ME3: variants seen among roughly 807,000 people sequenced by gnomAD.
ME3 encodes the protein malic enzyme 3.
ME3 carries 48 observed loss-of-function variants against 68.9 expected under a neutral mutation model. The observed-to-expected ratio is 0.70, with a 90% CI of 0.55 to 0.89. The LOEUF is 0.89. ME3 is among the 40% of genes least tolerant of loss of function. ME3 has a pLI of 0.00. For missense variants in ME3, 675 were observed against 797.4 expected (o/e 0.85, Z 1.85); for synonymous variants, 320 against 318.8 (o/e 1.00, Z -0.04).
chr11:86,659,341 G>A (rs903391322), intron 2 of ME3, among the ~76,000 whole-genome samples: 3 of 152,190 alleles, frequency 2.0e-5, no homozygotes, highest in Non-Finnish European at 4.4e-5. Context: ...AAGATGGCAG[G>A]CAAAGAGCTA....
intron 4 of ME3, among the ~76,000 whole-genome samples, chr11:86,510,862 TC>T (rs1953467909): frequency 6.6e-6 from 1 of 152,212 alleles, no homozygotes. Context: ...ACCAAATTTA[TC>T]ATCTAATCTT....
intron 4 of ME3, among the ~76,000 whole-genome samples, chr11:86,531,193 T>C (rs1955201793): frequency 6.6e-6 from 1 of 152,150 alleles, no homozygotes; most frequent in East Asian, 1.9e-4. Context: ...GTGAAGGATA[T>C]GAACAGACAC....
intron 2 of ME3, among the ~76,000 whole-genome samples, chr11:86,632,266 G>A (rs925829929): frequency 6.6e-6 from 1 of 152,160 alleles, no homozygotes; most frequent in Admixed American, 6.5e-5. Context: ...AGCTTCACAG[G>A]GGCCTCACAG....
chr11:86,617,240 G>A (rs1299167384), intron 2 of ME3, among the ~76,000 whole-genome samples: 1 of 151,420 alleles, frequency 6.6e-6, no homozygotes, highest in Non-Finnish European at 1.5e-5. Context: ...TGTAGGTTTT[G>A]AAAATAATAA....
chr11:86,449,821 C>G, intron 10 of ME3, 68 bp downstream of exon 10: 3 of 1,185,538 alleles, frequency 2.5e-6, no homozygotes, highest in Non-Finnish European at 3.7e-6. Flanking sequence ...TCTTGGAGAC[C>G]TCTTCCAGTC....
intron 11 of ME3, among the ~76,000 whole-genome samples, chr11:86,447,482 T>G (rs766177855): frequency 2.0e-5 from 3 of 151,872 alleles, no homozygotes; most frequent in Non-Finnish European, 4.4e-5. Flanking sequence ...CCATGGAGAG[T>G]GAGCTGCTCC....
chr11:86,530,548 C>A (rs1411750773), intron 4 of ME3, among the ~76,000 whole-genome samples: 1 of 152,164 alleles, frequency 6.6e-6, no homozygotes. Flanking sequence ...CAAGACAATC[C>A]TAAGCCAAAA....
chr11:86,618,559 G>C (rs1203401278), intron 2 of ME3, among the ~76,000 whole-genome samples: 1 of 152,060 alleles, frequency 6.6e-6, no homozygotes, highest in African/African-American at 2.4e-5. Flanking sequence ...AATTGTTTCT[G>C]ATATAATTTG....
At chr11:86,514,567 T>C (rs1445873597) in intron 4 of ME3, among the ~76,000 whole-genome samples, 2 of 152,196 alleles carry the variant, frequency 1.3e-5, no homozygotes, top group Non-Finnish European at 2.9e-5. Flanking sequence ...ACAGAAATGT[T>C]AGAGAGAATG....
intron 2 of ME3, among the ~76,000 whole-genome samples, chr11:86,627,040 A>G (rs1943709326): frequency 6.6e-6 from 1 of 152,180 alleles, no homozygotes; most frequent in African/African-American, 2.4e-5. Context: ...CAAAAGAGGA[A>G]AGTAGGTGTA....
At chr11:86,574,710 G>A (rs1417623285) in intron 2 of ME3, among the ~76,000 whole-genome samples, 1 of 152,190 alleles carries the variant, frequency 6.6e-6, no homozygotes, top group Non-Finnish European at 1.5e-5. Context: ...CAGCATTCCA[G>A]ACAACTGCTA....
chr11:86,564,213 T>C (rs1175825695), intron 2 of ME3, among the ~76,000 whole-genome samples: 1 of 152,140 alleles, frequency 6.6e-6, no homozygotes, highest in East Asian at 1.9e-4. Context: ...TTTCTATCTG[T>C]ATATCTTCTT....
chr11:86,657,113 A>G (rs1475229100), intron 2 of ME3, among the ~76,000 whole-genome samples: 1 of 152,228 alleles, frequency 6.6e-6, no homozygotes, highest in East Asian at 1.9e-4. Flanking sequence ...CAATCCCATT[A>G]CTGGGTATAT....
At chr11:86,585,389 G>C (rs1016676062) in intron 2 of ME3, among the ~76,000 whole-genome samples, 5 of 152,154 alleles carry the variant, frequency 3.3e-5, no homozygotes, top group African/African-American at 1.2e-4. Context: ...GAAGCAGGAG[G>C]ATAAGAGATA....
intron 8 of ME3, chr11:86,457,570 A>G (rs147044637): frequency 1.7e-6 from 2 of 1,171,996 alleles, no homozygotes; most frequent in African/African-American, 3.2e-5. Context: ...TGGCAAATAA[A>G]GTTATCTCCA....
intron 5 of ME3, among the ~76,000 whole-genome samples, chr11:86,504,647 G>A (rs1172423392): frequency 1.3e-5 from 2 of 151,758 alleles, no homozygotes; most frequent in Admixed American, 1.3e-4. Context: ...GCCCACCTCG[G>A]CCTCCCGAAA....
chr11:86,521,413 CA>C (rs1565893853), intron 4 of ME3, among the ~76,000 whole-genome samples: 1 of 112,346 alleles, frequency 8.9e-6, no homozygotes, highest in Admixed American at 8.4e-5. Context: ...ACAAACAAAA[CA>C]AAACAAAACA....
downstream of ME3, among the ~76,000 whole-genome samples, chr11:86,438,654 A>G (rs974910785): frequency 1.3e-5 from 2 of 152,130 alleles, no homozygotes. Flanking sequence ...TATTATAGGT[A>G]TATTGATTTG....
chr11:86,646,106 CA>C (rs1261197459), intron 2 of ME3, among the ~76,000 whole-genome samples: 7 of 152,126 alleles, frequency 4.6e-5, no homozygotes, highest in African/African-American at 1.7e-4. Context: ...AAAACCAGGG[CA>C]AAAAGGCTGA....
Sources: allele counts gnomAD v4.1 joint callset (sites outside exome capture counted in the v4.1 genomes callset), GRCh38; gene constraint gnomAD v4.1.1; transcripts MANE v1.5; gene names NCBI Gene and HGNC (gene_info 2026-07-23, HGNC 2026-07-21).